QKI: variants seen among roughly 807,000 people sequenced by gnomAD.
The protein encoded by QKI is QKI, KH domain containing RNA binding.
A neutral mutation model predicts 39.0 loss-of-function variants in QKI; 10 were observed. The ratio of observed to expected loss-of-function variants is 0.26; its 90% CI spans 0.16 to 0.43. The LOEUF (loss-of-function observed/expected upper bound fraction) is 0.43. Among genes scored for constraint, QKI ranks in the 20% least tolerant of loss-of-function variants. The probability of loss-of-function intolerance (pLI) is 1.00; values close to 1 mark genes in which losing one functional copy is unlikely to be tolerated. For synonymous variants in QKI, 204 were observed against 155.4 expected, an observed-to-expected ratio of 1.31 and a Z score of -2.33; for missense variants, 218 against 428.0, an observed-to-expected ratio of 0.51 and a Z score of 4.33.
intron 3 of QKI, among the ~76,000 whole-genome samples, chr6:163,520,630 A>G (rs1288239849): frequency 1.3e-5 from 2 of 152,214 alleles, no homozygotes; most frequent in African/African-American, 2.4e-5. Flanking sequence ...AGCTAGGTTC[A>G]TATGACCTAT....
Position 163,572,232 on chromosome 6 carries a change from G to A in QKI, c.*1522G>A, listed in dbSNP as rs1783734063. 6.6e-6 allele frequency: 1 copy of A among 152,196 alleles called. No homozygotes were observed. Among genetic ancestry groups the A allele is most frequent in the African/African-American group, 2.4e-5 (1 of 41,560 alleles). 9.4% of individuals were successfully genotyped at this position (152,196 alleles called of 1,614,324 possible). The stretch of plus-strand genomic sequence containing the variant: ...AGTTTACAGACAAAATTAGAGCTTT[G>A]TTTTATTTGGAGAAGGGGGATGCAT... On this transcript the variant is annotated 3_prime_UTR_variant, in exon 8 of 8. Coordinates refer to ENST00000361752, the MANE Select transcript of QKI (RefSeq NM_006775.3).
intron 1 of QKI, among the ~76,000 whole-genome samples, chr6:163,454,712 A>G (rs576049529): frequency 6.6e-6 from 1 of 152,218 alleles, no homozygotes; most frequent in African/African-American, 2.4e-5. Flanking sequence ...TTGCTCTAAG[A>G]CATCTCTTCT....
Position 163,415,033 on chromosome 6 carries a change from C to A in QKI, c.-161C>A. 1 of 713,208 alleles carries A rather than the reference C, an allele frequency of 1.4e-6. No individual in the cohort carries two copies. The highest frequency in any genetic ancestry group is 1.7e-6 in the Non-Finnish European group (1 of 591,974). The allele number at this position is 713,208 out of a possible 1,614,324, so 44.2% of individuals were successfully genotyped here. On this transcript the variant is annotated 5_prime_UTR_variant, in exon 1 of 8. Coordinates refer to ENST00000361752, the MANE Select transcript of QKI (RefSeq NM_006775.3). ...GCGGGGGGCGGGCGAGCGCGCGGTG[C>A]CGGCCGCCCCGGGGCTCGGCGCGGG...
At chr6:163,496,722 A>G (rs572791287) in intron 3 of QKI, among the ~76,000 whole-genome samples, 4 of 152,164 alleles carry the variant, frequency 2.6e-5, no homozygotes, top group Non-Finnish European at 5.9e-5. Flanking sequence ...TGCTCTCATC[A>G]TAGGGCTTTG....
intron 5 of QKI, 61 bp downstream of exon 5, chr6:163,562,130 T>C (rs1216230117): frequency 7.5e-7 from 1 of 1,325,212 alleles, no homozygotes. Context: ...CTACAGACTT[T>C]TTTCCTTTTG....
At chr6:163,432,569 A>AG (rs1554257959) in intron 1 of QKI, among the ~76,000 whole-genome samples, 3 of 149,750 alleles carry the variant, frequency 2.0e-5, no homozygotes, top group East Asian at 3.9e-4. Context: ...ATTAAAAAAA[A>AG]TTTTTTTTTT....
At chr6:163,455,527 A>C in intron 2 of QKI, 106 bp downstream of exon 2, 1 of 1,151,890 alleles carries the variant, frequency 8.7e-7, no homozygotes, top group Non-Finnish European at 1.2e-6. Flanking sequence ...CTTTAAAAAA[A>C]TGCAGTCATC....
chr6:163,529,795 C>G (rs1407114896), intron 3 of QKI, among the ~76,000 whole-genome samples: 1 of 152,152 alleles, frequency 6.6e-6, no homozygotes, highest in East Asian at 1.9e-4. Flanking sequence ...TCAGAGATTT[C>G]CTACAAAGCC....
At chr6:163,479,339 G>T (rs985799372) in intron 3 of QKI, among the ~76,000 whole-genome samples, 1 of 152,170 alleles carries the variant, frequency 6.6e-6, no homozygotes, top group East Asian at 1.9e-4. Context: ...CTTTTTAAAG[G>T]TGTTGTCATG....
chr6:163,565,462 G>A (rs994648185), intron 6 of QKI: 3 of 986,170 alleles, frequency 3.0e-6, no homozygotes, highest in South Asian at 9.4e-5. Context: ...AAGAGGTGAT[G>A]GACCAGTTTA....
At position 163,563,474 on chromosome 6, in the gene QKI, C is replaced by G. The variant is rs747047330; in HGVS notation, c.689C>G (p.Thr230Ser). The change falls in exon 6 of 8, where the codon ACT becomes AGT. Residue 230 changes from threonine to serine, a missense_variant. Transcript: ENST00000361752. ...ATAQAAPRII[T>S]GPAPVLPPAA... ...GCCCAGGCTGCTCCAAGGATCATTACTGGGCCTGCGCCGGTTCTCCCACCA... is the reference window on the plus strand; with the variant it reads ...GCCCAGGCTGCTCCAAGGATCATTAGTGGGCCTGCGCCGGTTCTCCCACCA... The G allele has an allele frequency of 4.1e-5, 66 of 1,614,000 alleles. No homozygotes were observed. Among genetic ancestry groups the G allele is most frequent in the Non-Finnish European group, 5.5e-5 (65 of 1,179,940 alleles).
At chr6:163,432,412 A>G (rs1479146493) in intron 1 of QKI, among the ~76,000 whole-genome samples, 1 of 135,958 alleles carries the variant, frequency 7.4e-6, no homozygotes, top group African/African-American at 2.8e-5. Context: ...TTTTTTTTTT[A>G]AAGAGATGGG....
intron 1 of QKI, 38 bp downstream of exon 1, chr6:163,415,373 C>T: frequency 1.3e-6 from 2 of 1,505,072 alleles, no homozygotes; most frequent in Non-Finnish European, 1.8e-6. Context: ...GCCCGACCCC[C>T]GCCGGGGCGG....
At chr6:163,533,099 A>G (rs917101719) in intron 3 of QKI, among the ~76,000 whole-genome samples, 3 of 152,082 alleles carry the variant, frequency 2.0e-5, no homozygotes, top group African/African-American at 7.2e-5. Context: ...TAGGCCCACC[A>G]AATAATACCA....
intron 7 of QKI, chr6:163,570,009 T>C: frequency 1.0e-6 from 1 of 986,338 alleles, no homozygotes; most frequent in Middle Eastern, 5.2e-4. Flanking sequence ...GGCCTGGCCA[T>C]TTTCTGGTTC....
intron 7 of QKI, chr6:163,569,827 G>A (rs1480624222): frequency 2.0e-6 from 2 of 986,148 alleles, no homozygotes; most frequent in Non-Finnish European, 2.4e-6. Flanking sequence ...GTTTTAAAAT[G>A]CCTTATTGGT....
chr6:163,457,134 T>C (rs1316304986), intron 2 of QKI, among the ~76,000 whole-genome samples: 1 of 152,198 alleles, frequency 6.6e-6, no homozygotes, highest in Non-Finnish European at 1.5e-5. Context: ...CTGTCTGTTT[T>C]GCTTATTTAA....
chr6:163,545,133 ACT>A (rs1055038558), intron 4 of QKI, among the ~76,000 whole-genome samples: 2 of 152,064 alleles, frequency 1.3e-5, no homozygotes, highest in Non-Finnish European at 2.9e-5. Flanking sequence ...TGTGTAAGGT[ACT>A]CTCATGGGTA....
In QKI at chr6:163,563,795, T is replaced by G. The variant is rs776582972; in HGVS notation, c.934+76T>G. The stretch of plus-strand genomic sequence containing the variant: ...TGCTCCCTCAGATTTTGAAATGATT[T>G]TATCAGTTTTAGAGAGGCAAGACAA... On this transcript the variant is annotated intron_variant, in intron 6 of 7. Coordinates refer to ENST00000361752, the MANE Select transcript of QKI (RefSeq NM_006775.3). The G allele has an allele frequency of 5.2e-6, 8 of 1,534,074 alleles. 1 individual carries two copies. The Admixed American group carries it at 8.2e-5, about 16-fold the overall frequency.
Sources: gnomAD v4.1 joint callset for allele counts (sites outside exome capture counted in the v4.1 genomes callset) on GRCh38, gnomAD v4.1.1 for gene constraint, MANE v1.5 for transcripts, NCBI Gene and HGNC (gene_info 2026-07-23, HGNC 2026-07-21) for gene names.